EPC1: variants seen among roughly 807,000 people sequenced by gnomAD.
EPC1 encodes the protein enhancer of polycomb 1.
Under a neutral mutation model 98.4 loss-of-function variants are expected in EPC1, and 12 were observed. The observed-to-expected ratio is 0.12, with a 90% CI of 0.08 to 0.20. The LOEUF (loss-of-function observed/expected upper bound fraction) is 0.20. EPC1 is among the 10% of genes least tolerant of loss of function. The pLI, the probability that EPC1 is intolerant of heterozygous loss-of-function variation, is 1.00. For synonymous variants in EPC1, 357 were observed against 363.9 expected (o/e 0.98, Z 0.21); for missense variants, 729 against 990.5 (o/e 0.74, Z 3.54).
chr10:32,338,044 C>G (rs1422577050), intron 1 of EPC1, among the ~76,000 whole-genome samples: 2 of 152,174 alleles, frequency 1.3e-5, no homozygotes, highest in Non-Finnish European at 2.9e-5. Flanking sequence ...TTTATAGGAC[C>G]AACTCATGAC....
At chr10:32,356,335 T>C (rs888503530) in intron 1 of EPC1, among the ~76,000 whole-genome samples, 1 of 152,030 alleles carries the variant, frequency 6.6e-6, no homozygotes, top group Non-Finnish European at 1.5e-5. Context: ...GTGAATCTAG[T>C]TCCCCTTCCC....
intron 1 of EPC1, among the ~76,000 whole-genome samples, chr10:32,326,025 C>G (rs1214818919): frequency 1.3e-5 from 2 of 152,124 alleles, no homozygotes; most frequent in African/African-American, 4.8e-5. Flanking sequence ...AAACTCAGGA[C>G]AGATGAAACA....
chr10:32,292,754 C>A, intron 4 of EPC1, 110 bp from the exon 5 acceptor site: 1 of 1,127,814 alleles, frequency 8.9e-7, no homozygotes, highest in Non-Finnish European at 1.2e-6. Flanking sequence ...AATTTAAAGA[C>A]AATAAAAGGG....
At chr10:32,292,150 T>C (rs1040252273) in intron 5 of EPC1, 1 of 155,666 alleles carries the variant, frequency 6.4e-6, no homozygotes, top group Non-Finnish European at 1.4e-5. Flanking sequence ...TCCCTCTTTC[T>C]TTACCCTTTT....
Position 32,303,589 on chromosome 10 carries a change from C to T in EPC1, c.313+2183G>A, listed in dbSNP as rs536550351. Among the ~76,000 whole-genome samples, 10 of 152,178 alleles carry T rather than the reference C, an allele frequency of 6.6e-5. No individual in the cohort carries two copies. The South Asian group carries it at 8.3e-4, about 13-fold the overall frequency. On this transcript the variant is annotated intron_variant, in intron 2 of 13. Coordinates refer to ENST00000319778, the MANE Select transcript of EPC1 (RefSeq NM_001272004.3). ...TGCATGATTCCATTTATGTAACACC[C>T]GTGAACATAATTATACAGATGGATA...
In EPC1 at chr10:32,339,546, T is replaced by C. The variant is rs112338430; in HGVS notation, c.153+7217A>G. Among the ~76,000 whole-genome samples the C allele has an allele frequency of 3.8e-3, 579 of 152,198 alleles. 2 individuals carry two copies. The highest frequency in any genetic ancestry group is 0.013 in the African/African-American group (542 of 41,530). On this transcript the variant is annotated intron_variant, in intron 1 of 13. Transcript: ENST00000319778. ...GGTGACAGAGTGAACTCTCTCTCAA[T>C]AGTAATAATAATAATAACAACCTAA...
intron 1 of EPC1, 74 bp from the exon 2 acceptor site, chr10:32,306,005 T>TAACC (rs1835856747): frequency 1.5e-6 from 2 of 1,331,110 alleles, no homozygotes; most frequent in Non-Finnish European, 2.0e-6. Flanking sequence ...CCAAAAAGGT[T>TAACC]TTTTTGGCTC....
At chr10:32,295,489 A>G (rs2505378) in intron 2 of EPC1, among the ~76,000 whole-genome samples, 69,469 of 152,040 alleles carry the variant, frequency 0.46, 18,931 homozygotes, top group East Asian at 0.72. Context: ...AGACTATAAA[A>G]ATTTCTAGAT....
intron 1 of EPC1, among the ~76,000 whole-genome samples, chr10:32,359,328 G>T (rs1215302627): frequency 6.6e-6 from 1 of 152,166 alleles, no homozygotes; most frequent in Non-Finnish European, 1.5e-5. Flanking sequence ...ATTCTGGCAG[G>T]TACTAGAATT....
intron 1 of EPC1, among the ~76,000 whole-genome samples, chr10:32,328,898 G>A (rs994358705): frequency 1.3e-5 from 2 of 152,166 alleles, no homozygotes; most frequent in African/African-American, 4.8e-5. Flanking sequence ...CAGTTCTCCA[G>A]GTCAAGGAAA....
chr10:32,295,557 C>T (rs1352888170), intron 2 of EPC1, among the ~76,000 whole-genome samples: 1 of 152,128 alleles, frequency 6.6e-6, no homozygotes, highest in Non-Finnish European at 1.5e-5. Context: ...GATTTTCCAT[C>T]ATCTCATTTT....
intron 1 of EPC1, among the ~76,000 whole-genome samples, chr10:32,338,319 A>T (rs1838104320): frequency 6.6e-6 from 1 of 151,968 alleles, no homozygotes; most frequent in South Asian, 2.1e-4. Context: ...TATATCTCAA[A>T]TCCATCCATT....
chr10:32,293,606 CT>C lies in EPC1; in HGVS notation c.444del (p.Gly149AlafsTer16). The C allele has an allele frequency of 6.2e-7, 1 of 1,613,240 alleles. No homozygotes were observed. Reference sequence around the variant, plus strand: ...TGAAGTTGTACCTGCTGACCACTGCCTTTTTCTAGGCGGTCAATCATCTCCT... The same window carrying C: ...TGAAGTTGTACCTGCTGACCACTGCCTTTTCTAGGCGGTCAATCATCTCCT... The part of the protein sequence containing the change: ...QFEEMIDRLE[K>X]GSGQQPVSLQ... On this transcript the variant is annotated frameshift_variant, in exon 3 of 14. Transcript: ENST00000319778. LOFTEE classifies it high-confidence loss of function.
At chr10:32,378,534 G>GT (rs1564572248) in exon 1 of EPC1, 3 of 1,517,230 alleles carry the variant, frequency 2.0e-6, no homozygotes, top group Non-Finnish European at 2.7e-6. Context: ...AAAAAAAATT[G>GT]TAACAATATA....
intron 1 of EPC1, among the ~76,000 whole-genome samples, chr10:32,372,043 A>G (rs1165330076): frequency 6.6e-6 from 1 of 152,238 alleles, no homozygotes; most frequent in Non-Finnish European, 1.5e-5. Flanking sequence ...ACACCCTTTC[A>G]AAGTTTGCAA....
chr10:32,296,096 G>A (rs1404353565), intron 2 of EPC1, among the ~76,000 whole-genome samples: 2 of 151,068 alleles, frequency 1.3e-5, no homozygotes, highest in Non-Finnish European at 2.9e-5. Flanking sequence ...GCTAATTTTC[G>A]TAGTTTTTTT....
rs1168951782 is a variant in EPC1 at position 32,346,952 on chromosome 10, CG to C, written c.-38del. On this transcript the variant is annotated 5_prime_UTR_variant, in exon 1 of 14. An upstream open reading frame in the 5' UTR loses its in-frame stop. Coordinates refer to ENST00000319778, the MANE Select transcript of EPC1 (RefSeq NM_001272004.3). Reference sequence around the variant, plus strand: ...CAGATACCTCTCCGCTCTGGGGAAACGGCCCCGGCCAGCGGGATCATGGAGA... The same window carrying C: ...CAGATACCTCTCCGCTCTGGGGAAACGCCCCGGCCAGCGGGATCATGGAGA... 6.2e-7 allele frequency: 1 copy of C among 1,606,608 alleles called. No homozygotes were observed. The highest frequency in any genetic ancestry group is 2.2e-5 in the East Asian group (1 of 44,792).
At chr10:32,290,174 C>T (rs1477220277) in intron 6 of EPC1, among the ~76,000 whole-genome samples, 1 of 151,780 alleles carries the variant, frequency 6.6e-6, no homozygotes, top group African/African-American at 2.4e-5. Flanking sequence ...CTATTGTGTC[C>T]ACAAAAGACA....
At chr10:32,355,018 C>T (rs1370844079) in intron 1 of EPC1, among the ~76,000 whole-genome samples, 2 of 152,108 alleles carry the variant, frequency 1.3e-5, no homozygotes, top group Non-Finnish European at 2.9e-5. Flanking sequence ...TTATATATTA[C>T]AATGTAATAA....
Sources: allele counts gnomAD v4.1 joint callset (sites outside exome capture counted in the v4.1 genomes callset), GRCh38; gene constraint gnomAD v4.1.1; transcripts MANE v1.5; gene names NCBI Gene and HGNC (gene_info 2026-07-23, HGNC 2026-07-21).